The following PCLO variants were observed in gnomAD, a reference collection of about 807,000 sequenced individuals.
PCLO encodes protein piccolo.
Under a neutral mutation model 427.5 loss-of-function variants are expected in PCLO, and 82 were observed. That is an observed-to-expected ratio of 0.19 (90% confidence interval 0.16 to 0.23). The LOEUF (loss-of-function observed/expected upper bound fraction) is 0.23, where lower values mean the gene tolerates loss of function less well. Among genes scored for constraint, PCLO ranks in the 10% least tolerant of loss-of-function variants. The pLI, the probability that PCLO is intolerant of heterozygous loss-of-function variation, is 1.00. For missense variants in PCLO, 6,239 were observed against 6,115.9 expected (o/e 1.02, Z -0.67); for synonymous variants, 2,357 against 2,155.4 (o/e 1.09, Z -2.59).
chr7:83,049,203 G>A (rs1789174584), intron 3 of PCLO, among the ~76,000 whole-genome samples: 1 of 152,050 alleles, frequency 6.6e-6, no homozygotes, highest in South Asian at 2.1e-4. Context: ...ATGAAATAGG[G>A]CAGTGACTAC....
intron 2 of PCLO, among the ~76,000 whole-genome samples, chr7:83,143,205 T>C (rs964020957): frequency 2.0e-5 from 3 of 152,142 alleles, no homozygotes; most frequent in African/African-American, 7.2e-5. Flanking sequence ...TAACAGATTA[T>C]GTTTTGTGCT....
chr7:83,004,808 A>G (rs1017379718), intron 3 of PCLO, among the ~76,000 whole-genome samples: 1 of 151,630 alleles, frequency 6.6e-6, no homozygotes, highest in Non-Finnish European at 1.5e-5. Flanking sequence ...AAAATAAGGA[A>G]CTCTAATACA....
intron 3 of PCLO, among the ~76,000 whole-genome samples, chr7:82,981,324 T>C (rs1329892106): frequency 6.6e-6 from 1 of 151,498 alleles, no homozygotes; most frequent in Non-Finnish European, 1.5e-5. Flanking sequence ...AGAGATTATA[T>C]GCAAAAGAAG....
At chr7:82,768,689 G>T (rs1326918430) in intron 22 of PCLO, among the ~76,000 whole-genome samples, 1 of 151,762 alleles carries the variant, frequency 6.6e-6, no homozygotes, top group African/African-American at 2.4e-5. Context: ...TGTCAAATTG[G>T]CTTATTTTTA....
At chr7:82,902,537 T>G in intron 9 of PCLO, 114 bp downstream of exon 9, 2 of 616,774 alleles carry the variant, frequency 3.2e-6, no homozygotes, top group Admixed American at 2.6e-5. Context: ...GTAACTAACA[T>G]GCACATTGTG....
chr7:82,783,284 C>T (rs1048007176), intron 22 of PCLO, among the ~76,000 whole-genome samples: 16 of 152,172 alleles, frequency 1.1e-4, no homozygotes, highest in African/African-American at 3.4e-4. Context: ...AAAATACTGC[C>T]TTATCTTAGA....
chr7:83,144,575 C>A (rs1447630470), intron 2 of PCLO, among the ~76,000 whole-genome samples: 1 of 152,030 alleles, frequency 6.6e-6, no homozygotes, highest in East Asian at 1.9e-4. Flanking sequence ...ATATGTATAA[C>A]CACTTAACAG....
intron 3 of PCLO, among the ~76,000 whole-genome samples, chr7:83,082,133 A>G (rs1266869966): frequency 1.3e-5 from 2 of 151,416 alleles, no homozygotes; most frequent in African/African-American, 4.8e-5. Context: ...ACACACACAC[A>G]CGCACACACA....
intron 3 of PCLO, among the ~76,000 whole-genome samples, chr7:83,126,239 G>A (rs1302883939): frequency 6.6e-6 from 1 of 152,190 alleles, no homozygotes; most frequent in Non-Finnish European, 1.5e-5. Context: ...AGGATAGTGG[G>A]TGGAGCAGGG....
chr7:82,987,281 AT>A lies in PCLO; in HGVS notation c.3301-20795del, dbSNP rs547477316. On this transcript the variant is annotated intron_variant, in intron 3 of 24. Coordinates refer to ENST00000333891, the MANE Select transcript of PCLO (RefSeq NM_033026.6). The stretch of plus-strand genomic sequence containing the variant: ...CTAGCTACTTGATTTTTAGAAAAAA[AT>A]CCTCTCAGTTTCTAAAATGGAGACA... Among the ~76,000 whole-genome samples, 694 of 152,162 alleles carry A rather than the reference AT, an allele frequency of 4.6e-3. 1 individual carries two copies. Among genetic ancestry groups the A allele is most frequent in the Non-Finnish European group, 7.0e-3 (475 of 67,898 alleles).
At chr7:82,790,976 T>C (rs916145429) in intron 22 of PCLO, among the ~76,000 whole-genome samples, 6 of 152,230 alleles carry the variant, frequency 3.9e-5, no homozygotes, top group Non-Finnish European at 7.3e-5. Flanking sequence ...AATTATGTTA[T>C]TAAGGTTGGT....
intron 16 of PCLO, among the ~76,000 whole-genome samples, chr7:82,831,967 G>T (rs1052702690): frequency 9.2e-5 from 14 of 152,228 alleles, no homozygotes; most frequent in African/African-American, 3.4e-4. Context: ...TGGAGTTGAA[G>T]GTAGGCAGGT....
chr7:82,773,157 T>G (rs1023094841), intron 22 of PCLO, among the ~76,000 whole-genome samples: 12 of 152,164 alleles, frequency 7.9e-5, no homozygotes, highest in Admixed American at 7.9e-4. Flanking sequence ...CCAGGAAAAG[T>G]AGTGGGTCTG....
At chr7:82,847,518 C>T (rs1305579804) in intron 10 of PCLO, among the ~76,000 whole-genome samples, 1 of 152,114 alleles carries the variant, frequency 6.6e-6, no homozygotes, top group Non-Finnish European at 1.5e-5. Flanking sequence ...GCATTCTGTT[C>T]ACACTGCCAT....
intron 6 of PCLO, among the ~76,000 whole-genome samples, chr7:82,928,577 T>A (rs765802020): frequency 5.3e-5 from 8 of 151,854 alleles, no homozygotes; most frequent in African/African-American, 7.3e-5. Context: ...AGAGACAGGG[T>A]TTCACCATGT....
chr7:82,918,783 T>TCCA (rs1794528781), intron 6 of PCLO, among the ~76,000 whole-genome samples: 1 of 152,068 alleles, frequency 6.6e-6, no homozygotes, highest in Non-Finnish European at 1.5e-5. Flanking sequence ...CAAAAGGGTG[T>TCCA]TTAATTGTGT....
chr7:83,000,499 A>T (rs2115917145), intron 3 of PCLO, among the ~76,000 whole-genome samples: 1 of 152,110 alleles, frequency 6.6e-6, no homozygotes, highest in Admixed American at 6.6e-5. Flanking sequence ...CATGCAAGAC[A>T]ATTTTTTCCA....
At chr7:82,808,443 A>G (rs1791502790) in intron 20 of PCLO, among the ~76,000 whole-genome samples, 1 of 151,892 alleles carries the variant, frequency 6.6e-6, no homozygotes, top group Non-Finnish European at 1.5e-5. Context: ...AGAAATGTGT[A>G]CAGAATATAA....
intron 3 of PCLO, among the ~76,000 whole-genome samples, chr7:83,123,956 C>CA (rs71074625): frequency 1.6e-3 from 45 of 28,994 alleles, no homozygotes; most frequent in Admixed American, 2.4e-3. Flanking sequence ...AACTCTGTCT[C>CA]AAAAAAAAAA....
Sources: allele counts gnomAD v4.1 joint callset (sites outside exome capture counted in the v4.1 genomes callset), GRCh38; gene constraint gnomAD v4.1.1; transcripts MANE v1.5; gene names NCBI Gene and HGNC (gene_info 2026-07-23, HGNC 2026-07-21).